Variants in ID4 observed in about 807,000 individuals in gnomAD.
ID4 encodes the protein inhibitor of DNA binding 4.
ID4 carries 9 observed loss-of-function variants against 8.6 expected under a neutral mutation model. That is an observed-to-expected ratio of 1.04 (90% confidence interval 0.63 to 1.82). ID4 has a LOEUF of 1.82. Ranked by LOEUF, ID4 falls within the 40% of genes most tolerant of loss-of-function variation. The pLI is 0.00. For missense variants in ID4, 270 were observed against 235.1 expected (o/e 1.15, Z -0.97); for synonymous variants, 180 against 118.0 (o/e 1.53, Z -3.41).
At chr6:19,838,708 G>C in intron 2 of ID4, 66 bp downstream of exon 2, 1 of 1,427,980 alleles carries the variant, frequency 7.0e-7, no homozygotes, top group South Asian at 1.2e-5. Flanking sequence ...GGGCTTCCGG[G>C]GCCAGGCACC....
chr6:19,841,796 A>C lies in ID4; in HGVS notation c.*2601A>C, dbSNP rs902725827. Among the ~76,000 whole-genome samples, 1 of 152,204 alleles carries C rather than the reference A, an allele frequency of 6.6e-6. No individual in the cohort carries two copies. Among genetic ancestry groups the C allele is most frequent in the Non-Finnish European group, 1.5e-5 (1 of 68,024 alleles). ...CTAACCAGGCAACCAGATAACAAAA[A>C]CATTTTGAGTCTTTTATCTAGGTAG... is the stretch of plus-strand genomic sequence containing the variant. On this transcript the variant is annotated 3_prime_UTR_variant, in exon 3 of 3. Coordinates refer to ENST00000378700, the MANE Select transcript of ID4 (RefSeq NM_001546.4).
Position 19,840,631 on chromosome 6 carries a change from TTGTGA to T in ID4, c.*1441_*1445del, listed in dbSNP as rs1258758827. Reference sequence around the variant, plus strand: ...TTACGCTAAGCTACTGTCCAATCTCTTGTGATGTGTAACTTTTACATGTGAATATT... The same window carrying T: ...TTACGCTAAGCTACTGTCCAATCTCTTGTGTAACTTTTACATGTGAATATT... On this transcript the variant is annotated 3_prime_UTR_variant, in exon 3 of 3. Coordinates refer to ENST00000378700, the MANE Select transcript of ID4 (RefSeq NM_001546.4). 2.0e-5 allele frequency: 3 copies of T among 152,578 alleles called. No individual in the cohort carries two copies. Among genetic ancestry groups the T allele is most frequent in the Non-Finnish European group, 2.9e-5 (2 of 68,012 alleles). 9.5% of individuals were successfully genotyped at this position (152,578 alleles called of 1,614,324 possible).
At chr6:19,838,324 G>A in intron 1 of ID4, 129 bp downstream of exon 1, 4 of 1,019,142 alleles carry the variant, frequency 3.9e-6, no homozygotes, top group South Asian at 4.4e-5. Flanking sequence ...CCCTCCCCCT[G>A]CTCCTCCGGG....
rs2113467069 is a variant in ID4 at position 19,839,777 on chromosome 6, TAG to T, written c.*584_*585del. On this transcript the variant is annotated 3_prime_UTR_variant, in exon 3 of 3. Coordinates refer to ENST00000378700, the MANE Select transcript of ID4 (RefSeq NM_001546.4). ...AAGTGTGAGAAAGTATATGCTTTAA[TAG>T]ATACTGTAATTATAAGATATTTTTA... 1.3e-5 allele frequency: 2 copies of T among 152,582 alleles called. No homozygotes were observed. The highest frequency in any genetic ancestry group is 2.4e-5 in the African/African-American group (1 of 41,574). The allele number at this position is 152,582 out of a possible 1,614,324, so 9.5% of individuals were successfully genotyped here.
At position 19,840,028 on chromosome 6, in the gene ID4, A is replaced by G. The variant is rs753758490; in HGVS notation, c.*833A>G. 5 of 152,590 alleles carry G rather than the reference A, an allele frequency of 3.3e-5. No individual in the cohort carries two copies. Among genetic ancestry groups the G allele is most frequent in the Non-Finnish European group, 5.9e-5 (4 of 68,022 alleles). 9.5% of individuals were successfully genotyped at this position (152,590 alleles called of 1,614,324 possible). A position where few individuals can be genotyped will look rare whatever the true frequency, so the allele number is the denominator to read the frequency against. ...TGATTGCATGAGATGTTTAATCACA[A>G]ATTAAACTTGTTCTGAGTCCATTCA... On this transcript the variant is annotated 3_prime_UTR_variant, in exon 3 of 3. Transcript: ENST00000378700.
chr6:19,838,686 G>T (rs1761286599), intron 2 of ID4, 44 bp downstream of exon 2: 2 of 1,573,482 alleles, frequency 1.3e-6, no homozygotes, highest in African/African-American at 1.4e-5. Flanking sequence ...CACCAGAGAC[G>T]CCCGTCCCCG....
chr6:19,838,588 G>C lies in ID4; in HGVS notation c.446G>C (p.Gly149Ala). The change falls in exon 2 of 3, where the codon GGC (glycine) becomes GCC (alanine). Residue 149 changes from glycine to alanine, a missense_variant. Coordinates refer to ENST00000378700, the MANE Select transcript of ID4 (RefSeq NM_001546.4). ...PLTALNTDPA[G>A]AVNKQGDSIL... is the part of the protein sequence containing the mutation. Reference sequence around the variant, plus strand: ...GGTGTTCGGTTGCTGTTCCAGGCCGGCGCGGTGAACAAGCAGGGCGACAGC... The same window carrying C: ...GGTGTTCGGTTGCTGTTCCAGGCCGCCGCGGTGAACAAGCAGGGCGACAGC... 3 of 1,614,000 alleles carry C rather than the reference G, an allele frequency of 1.9e-6. No homozygotes were observed. Among genetic ancestry groups the C allele is most frequent in the Non-Finnish European group, 2.5e-6 (3 of 1,179,898 alleles).
rs1456397781 is a variant in ID4, at chr6:19,839,751, T to A, written c.*556T>A. ...ACCATGTATATATAGAGATGTTCTA[T>A]AAGTGTGAGAAAGTATATGCTTTAA... On this transcript the variant is annotated 3_prime_UTR_variant, in exon 3 of 3. Transcript: ENST00000378700. 5 of 152,594 alleles carry A rather than the reference T, an allele frequency of 3.3e-5. No individual in the cohort carries two copies. In the East Asian group the frequency reaches 9.6e-4, roughly 29 times the overall value. 9.5% of individuals were successfully genotyped at this position (152,594 alleles called of 1,614,324 possible). A position where few individuals can be genotyped will look rare whatever the true frequency, so the allele number is the denominator to read the frequency against.
At position 19,839,804 on chromosome 6, in the gene ID4, A is replaced by T. The variant is rs1486854340; in HGVS notation, c.*609A>T. On this transcript the variant is annotated 3_prime_UTR_variant, in exon 3 of 3. Coordinates refer to ENST00000378700, the MANE Select transcript of ID4 (RefSeq NM_001546.4). ...GATACTGTAATTATAAGATATTTTT[A>T]ATTAAATATTTTTTTGTAAATATTA... 2 of 152,186 alleles carry T rather than the reference A, an allele frequency of 1.3e-5. No individual in the cohort carries two copies. Among genetic ancestry groups the T allele is most frequent in the African/African-American group, 4.8e-5 (2 of 41,434 alleles). The allele number at this position is 152,186 out of a possible 1,614,324, so 9.4% of individuals were successfully genotyped here. A position where few individuals can be genotyped will look rare whatever the true frequency, so the allele number is the denominator to read the frequency against.
chr6:19,838,956 C>A, intron 2 of ID4: 1 of 411,380 alleles, frequency 2.4e-6, no homozygotes, highest in Non-Finnish European at 4.4e-6. Flanking sequence ...ATGGGAGCTG[C>A]CCCGGTGTCC....
rs1761322276 is a variant in ID4, at chr6:19,839,846, TA to T, written c.*653del. 1 of 152,144 alleles carries T rather than the reference TA, an allele frequency of 6.6e-6. No individual in the cohort carries two copies. The highest frequency in any genetic ancestry group is 1.5e-5 in the Non-Finnish European group (1 of 68,006). 9.4% of individuals were successfully genotyped at this position (152,144 alleles called of 1,614,324 possible). ...TAAATATTATGTGTGTGTTTTTTTT[TA>T]ATCTATGGGAATATTTCTTTTGGAA... is the stretch of plus-strand genomic sequence containing the variant. On this transcript the variant is annotated 3_prime_UTR_variant, in exon 3 of 3. Coordinates refer to ENST00000378700, the MANE Select transcript of ID4 (RefSeq NM_001546.4).
rs769973993 is a variant in ID4, at chr6:19,838,589, C to T, written c.447C>T (p.Gly149=). Residue 149 remains glycine (G), a synonymous_variant, in exon 2 of 3, where the codon GGC becomes GGT. Coordinates refer to ENST00000378700, the MANE Select transcript of ID4 (RefSeq NM_001546.4). ...GTGTTCGGTTGCTGTTCCAGGCCGG[C>T]GCGGTGAACAAGCAGGGCGACAGCA... The part of the protein sequence containing the change: ...PLTALNTDPA[G]AVNKQGDSIL... 14 of 1,613,814 alleles carry T rather than the reference C, an allele frequency of 8.7e-6. No individual in the cohort carries two copies. Among genetic ancestry groups the T allele is most frequent in the Non-Finnish European group, 1.2e-5 (14 of 1,179,876 alleles).
intron 2 of ID4, 72 bp downstream of exon 2, chr6:19,838,714 G>C: frequency 7.3e-7 from 1 of 1,365,984 alleles, no homozygotes; most frequent in South Asian, 1.2e-5. Flanking sequence ...CCGGGGCCAG[G>C]CACCGCGGTG....
At position 19,838,618 on chromosome 6, in the gene ID4, T is replaced by G. The variant is rs758004081; in HGVS notation, c.476T>G (p.Leu159Arg). ...GTGAACAAGCAGGGCGACAGCATTC[T>G]GTGCCGCTGAGCCGCGCTGTCCAGG... ...GAVNKQGDSI[L>R]CR Residue 159 changes from leucine to arginine, a missense_variant, in exon 2 of 3, where the codon CTG (leucine) becomes CGG (arginine). Around this residue, in one of 3 missense-constraint regions of ID4, gnomAD observed 107 missense variants for 81.0 expected, o/e 1.32. Coordinates refer to ENST00000378700, the MANE Select transcript of ID4 (RefSeq NM_001546.4). 13 of 1,613,850 alleles carry G rather than the reference T, an allele frequency of 8.1e-6. No homozygotes were observed. In the African/African-American group the frequency reaches 1.7e-4, roughly 22 times the overall value.
rs1761313458 is a variant in ID4 at position 19,839,605 on chromosome 6, G to A, written c.*410G>A. 1 of 146,694 alleles carries A rather than the reference G, an allele frequency of 6.8e-6. No homozygotes were observed. Among genetic ancestry groups the A allele is most frequent in the Non-Finnish European group, 1.5e-5 (1 of 66,598 alleles). 9.1% of individuals were successfully genotyped at this position (146,694 alleles called of 1,614,324 possible). Reference sequence around the variant, plus strand: ...TTTGAAGCTTTACTAATCTACCAGAGCATTGTAGATATTTTTTTTTTACAT... The same window carrying A: ...TTTGAAGCTTTACTAATCTACCAGAACATTGTAGATATTTTTTTTTTACAT... On this transcript the variant is annotated 3_prime_UTR_variant, in exon 3 of 3. Transcript: ENST00000378700.
At chr6:19,838,996 G>A (rs1198186517) in intron 2 of ID4, 1 of 250,812 alleles carries the variant, frequency 4.0e-6, no homozygotes, top group African/African-American at 2.3e-5. Context: ...CACAAAGGGG[G>A]ACGCGGGCAG....
In ID4 at chr6:19,837,482, C is replaced by T. The variant is rs1485992859; in HGVS notation, c.-273C>T. The T allele has an allele frequency of 1.2e-5, 2 of 165,510 alleles. No homozygotes were observed. The highest frequency in any genetic ancestry group is 2.4e-5 in the African/African-American group (1 of 41,608). The allele number at this position is 165,510 out of a possible 1,614,324, so 10.3% of individuals were successfully genotyped here. ...TTAGTCGGAGCTCCGAAGGGAGTGA[C>T]TAGGACACCCGGGTGGGCTACTTTT... On this transcript the variant is annotated 5_prime_UTR_variant, in exon 1 of 3. Transcript: ENST00000378700.
At position 19,838,036 on chromosome 6, in the gene ID4, G is replaced by A. The variant is rs1380634086; in HGVS notation, c.282G>A (p.Leu94=). 3.4e-5 allele frequency: 54 copies of A among 1,606,584 alleles called. No homozygotes were observed. The highest frequency in any genetic ancestry group is 4.2e-5 in the Non-Finnish European group (49 of 1,176,274). The change falls in exon 1 of 3, where the codon CTG becomes CTA. Residue 94 remains leucine (L), a synonymous_variant. Transcript: ENST00000378700. The stretch of plus-strand genomic sequence containing the variant: ...AGAAAGTCAGCAAAGTGGAGATCCT[G>A]CAGCACGTTATCGACTACATCCTGG... ...PNKKVSKVEI[L]QHVIDYILDL...
At position 19,838,087 on chromosome 6, in the gene ID4, C is replaced by T. The variant is rs762784912; in HGVS notation, c.333C>T (p.His111=). The part of the protein sequence containing the change: ...ILDLQLALET[H]PALLRQPPPP... ...ACCTGCAGCTGGCGCTGGAGACGCA[C>T]CCGGCCCTGCTGAGGCAGCCACCAC... The change falls in exon 1 of 3, where the codon CAC becomes CAT. Residue 111 remains histidine, a synonymous_variant. Coordinates refer to ENST00000378700, the MANE Select transcript of ID4 (RefSeq NM_001546.4). 3.7e-6 allele frequency: 6 copies of T among 1,603,954 alleles called. No homozygotes were observed. The East Asian group carries it at 1.1e-4, about 30-fold the overall frequency.
Sources: gnomAD v4.1 joint callset for allele counts (sites outside exome capture counted in the v4.1 genomes callset) on GRCh38, gnomAD v4.1.1 for gene constraint, gnomAD v4.1.1 regional missense constraint, MANE v1.5 for transcripts, NCBI Gene and HGNC (gene_info 2026-07-23, HGNC 2026-07-21) for gene names.